The following FARS2 variants were observed in gnomAD, a reference collection of about 807,000 sequenced individuals.
FARS2 encodes the protein phenylalanyl-tRNA synthetase 2, mitochondrial.
FARS2 carries 40 observed loss-of-function variants against 46.4 expected under a neutral mutation model. The ratio of observed to expected loss-of-function variants is 0.86; its 90% CI spans 0.67 to 1.12. FARS2 has a LOEUF of 1.12. Among genes scored for constraint, FARS2 ranks in the 50% most tolerant of loss-of-function variants. The pLI, the probability that FARS2 is intolerant of heterozygous loss-of-function variation, is 0.00. For missense variants in FARS2, 513 were observed against 567.9 expected (o/e 0.90, Z 0.98); for synonymous variants, 234 against 214.9 (o/e 1.09, Z -0.78).
chr6:5,661,227 T>A (rs1215899450), intron 6 of FARS2, among the ~76,000 whole-genome samples: 2 of 152,226 alleles, frequency 1.3e-5, no homozygotes, highest in East Asian at 3.8e-4. Flanking sequence ...GCCATTGTTG[T>A]TAAGGACACA....
At chr6:5,739,052 A>G (rs1011867825) in intron 6 of FARS2, among the ~76,000 whole-genome samples, 6 of 152,150 alleles carry the variant, frequency 3.9e-5, no homozygotes, top group Non-Finnish European at 8.8e-5. Context: ...ACCCTCTGGC[A>G]CCTACTAATC....
chr6:5,643,434 G>T (rs527938663), intron 6 of FARS2, among the ~76,000 whole-genome samples: 2 of 152,186 alleles, frequency 1.3e-5, no homozygotes, highest in African/African-American at 4.8e-5. Flanking sequence ...GAGCCAAAAC[G>T]TGCAGGCTGT....
intron 1 of FARS2, among the ~76,000 whole-genome samples, chr6:5,341,069 A>G (rs1423692439): frequency 2.0e-5 from 3 of 149,970 alleles, no homozygotes; most frequent in African/African-American, 4.9e-5. Context: ...AATCGCTTGA[A>G]CCAGGGAGGC....
chr6:5,624,112 G>A (rs1320627654), intron 6 of FARS2, among the ~76,000 whole-genome samples: 6 of 150,332 alleles, frequency 4.0e-5, no homozygotes, highest in Non-Finnish European at 7.4e-5. Context: ...TAATGCTGGT[G>A]ATGTGGGTAT....
chr6:5,339,255 T>C (rs1258489082), intron 1 of FARS2, among the ~76,000 whole-genome samples: 1 of 152,232 alleles, frequency 6.6e-6, no homozygotes, highest in Non-Finnish European at 1.5e-5. Context: ...ACTGGGAAAG[T>C]GTTATCTCAG....
intron 4 of FARS2, among the ~76,000 whole-genome samples, chr6:5,536,569 C>T (rs1770214224): frequency 6.6e-6 from 1 of 152,176 alleles, no homozygotes; most frequent in Admixed American, 6.5e-5. Flanking sequence ...TTTACATTCT[C>T]ATTCATAGCC....
chr6:5,518,300 G>A lies in FARS2; in HGVS notation c.905-26880G>A, dbSNP rs55901700. Among the ~76,000 whole-genome samples, 536 of 152,300 alleles carry A rather than the reference G, an allele frequency of 3.5e-3. 3 individuals are homozygous for A. Among genetic ancestry groups the A allele is most frequent in the African/African-American group, 0.012 (501 of 41,552 alleles). ...TGTTTTGGGTGACAGGTGGGCAGTT[G>A]TGTCACAAAACTGAGATTTTGAATT... On this transcript the variant is annotated intron_variant, in intron 4 of 6. Coordinates refer to ENST00000274680, the MANE Select transcript of FARS2 (RefSeq NM_006567.5).
chr6:5,279,574 GTATA>G (rs138587263), intron 1 of FARS2, among the ~76,000 whole-genome samples: 4 of 147,424 alleles, frequency 2.7e-5, no homozygotes, highest in African/African-American at 9.9e-5. Flanking sequence ...GTGTGTGTGT[GTATA>G]TATATATATT....
chr6:5,665,995 A>G (rs1778096715), intron 6 of FARS2, among the ~76,000 whole-genome samples: 1 of 152,166 alleles, frequency 6.6e-6, no homozygotes, highest in East Asian at 1.9e-4. Flanking sequence ...CTGGCATTGA[A>G]GAGACCCCGG....
At chr6:5,266,143 C>T (rs1030411451) in intron 1 of FARS2, among the ~76,000 whole-genome samples, 3 of 152,128 alleles carry the variant, frequency 2.0e-5, no homozygotes, top group African/African-American at 7.2e-5. Flanking sequence ...CACCCTTTAC[C>T]TTGAAAGGAT....
intron 5 of FARS2, among the ~76,000 whole-genome samples, chr6:5,571,587 A>T (rs1471808713): frequency 6.6e-6 from 1 of 151,898 alleles, no homozygotes; most frequent in African/African-American, 2.4e-5. Flanking sequence ...CCTCCTGATC[A>T]TCCCTTCTGT....
At chr6:5,638,047 G>A (rs1390650743) in intron 6 of FARS2, among the ~76,000 whole-genome samples, 1 of 152,208 alleles carries the variant, frequency 6.6e-6, no homozygotes, top group African/African-American at 2.4e-5. Context: ...GACGTCCAAG[G>A]TGGGTGATGA....
At chr6:5,283,392 A>AC (rs1336408932) in intron 1 of FARS2, among the ~76,000 whole-genome samples, 1 of 150,646 alleles carries the variant, frequency 6.6e-6, no homozygotes, top group African/African-American at 2.5e-5. Context: ...AAAAAAAAAA[A>AC]AAACAAATTA....
intron 6 of FARS2, among the ~76,000 whole-genome samples, chr6:5,731,560 A>G (rs1235897724): frequency 6.6e-6 from 1 of 152,138 alleles, no homozygotes; most frequent in Non-Finnish European, 1.5e-5. Context: ...GTTTTTAATG[A>G]ACAGTTTTAT....
chr6:5,443,022 C>T (rs1388888004), intron 4 of FARS2, among the ~76,000 whole-genome samples: 1 of 152,104 alleles, frequency 6.6e-6, no homozygotes, highest in Non-Finnish European at 1.5e-5. Flanking sequence ...TCTGGAAAGC[C>T]GAGATTCTGT....
upstream of FARS2, chr6:5,260,598 T>TGCCCCGGCCCCGGGGCCCCCCCCC: frequency 1.8e-6 from 2 of 1,105,566 alleles, no homozygotes; most frequent in Non-Finnish European, 2.6e-6. Context: ...GCACCCCCGG[T>TGCCCCGGCCCCGGGGCCCCCCCCC]CCCCGGCCCC....
intron 4 of FARS2, among the ~76,000 whole-genome samples, chr6:5,453,972 A>G (rs560870267): frequency 6.6e-6 from 1 of 152,306 alleles, no homozygotes; most frequent in South Asian, 2.1e-4. Flanking sequence ...GGAGGAGCCG[A>G]GGGAGGTTTA....
intron 6 of FARS2, among the ~76,000 whole-genome samples, chr6:5,740,703 A>G (rs1761275433): frequency 6.6e-6 from 1 of 152,186 alleles, no homozygotes; most frequent in Non-Finnish European, 1.5e-5. Context: ...CCTGCCTTTT[A>G]TCCCCAGTAA....
intron 6 of FARS2, among the ~76,000 whole-genome samples, chr6:5,759,578 A>G (rs1312109478): frequency 1.3e-5 from 2 of 152,198 alleles, no homozygotes; most frequent in African/African-American, 4.8e-5. Flanking sequence ...GATGTTAAAC[A>G]TCATATGTGC....
Sources: allele counts gnomAD v4.1 joint callset (sites outside exome capture counted in the v4.1 genomes callset), GRCh38; gene constraint gnomAD v4.1.1; transcripts MANE v1.5; gene names NCBI Gene and HGNC (gene_info 2026-07-23, HGNC 2026-07-21).